Variants in JARID2 observed in about 807,000 individuals in gnomAD.
JARID2 encodes jumonji and AT-rich interaction domain containing 2.
In JARID2, 21 loss-of-function variants were observed where a neutral mutation model predicts 125.6. The ratio of observed to expected loss-of-function variants is 0.17; its 90% CI spans 0.12 to 0.24. The LOEUF (loss-of-function observed/expected upper bound fraction) is 0.24. JARID2 is among the 10% of genes least tolerant of loss of function. The probability of loss-of-function intolerance (pLI) is 1.00; values close to 1 mark genes in which losing one functional copy is unlikely to be tolerated. For missense variants in JARID2, 1,303 were observed against 1,639.6 expected (o/e 0.79, Z 3.55); for synonymous variants, 736 against 661.6 (o/e 1.11, Z -1.73).
chr6:15,384,725 C>A (rs1764718039), intron 2 of JARID2, among the ~76,000 whole-genome samples: 1 of 152,140 alleles, frequency 6.6e-6, no homozygotes, highest in South Asian at 2.1e-4. Flanking sequence ...ACTCAAGTTG[C>A]TGGGACTTCA....
rs1339458581 is a variant in JARID2 at position 15,520,164 on chromosome 6, A to T, written c.3654A>T (p.Arg1218Ser). The T allele has an allele frequency of 6.2e-7, 1 of 1,613,932 alleles. No individual in the cohort carries two copies. Among genetic ancestry groups the T allele is most frequent in the Non-Finnish European group, 8.5e-7 (1 of 1,179,980 alleles). Residue 1218 changes from arginine to serine, a missense_variant, in exon 18 of 18, where the codon AGA becomes AGT. Arg to Ser is a moderately radical substitution (Grantham distance 110). Coordinates refer to ENST00000341776, the MANE Select transcript of JARID2 (RefSeq NM_004973.4). ...GTCTCAGTAAACCCACACCAAAAAGAGGTCCCCGCAAGAGAGCGACAGTGG... is the reference window on the plus strand; with the variant it reads ...GTCTCAGTAAACCCACACCAAAAAGTGGTCCCCGCAAGAGAGCGACAGTGG... ...ENCLSKPTPK[R>S]GPRKRATVDV...
intron 1 of JARID2, among the ~76,000 whole-genome samples, chr6:15,263,519 T>A (rs971613045): frequency 2.6e-4 from 39 of 152,104 alleles, no homozygotes; most frequent in African/African-American, 9.2e-4. Flanking sequence ...TTGATTTCTC[T>A]GAATTTACTA....
chr6:15,292,592 G>T (rs1761269088), intron 1 of JARID2, among the ~76,000 whole-genome samples: 1 of 152,126 alleles, frequency 6.6e-6, no homozygotes, highest in African/African-American at 2.4e-5. Flanking sequence ...GCACCCCAGG[G>T]CCCACTGTAA....
chr6:15,411,103 C>T (rs1184408077), intron 3 of JARID2, among the ~76,000 whole-genome samples: 1 of 151,952 alleles, frequency 6.6e-6, no homozygotes, highest in African/African-American at 2.4e-5. Context: ...TTATATTTCC[C>T]TTTGTTCTCT....
intron 1 of JARID2, among the ~76,000 whole-genome samples, chr6:15,349,694 A>G (rs1443634969): frequency 3.3e-5 from 5 of 152,156 alleles, no homozygotes; most frequent in Admixed American, 6.5e-5. Context: ...CGAGCTTCCC[A>G]GTTCCTCTCC....
intron 1 of JARID2, among the ~76,000 whole-genome samples, chr6:15,266,176 A>G (rs1760076388): frequency 6.6e-6 from 1 of 152,162 alleles, no homozygotes; most frequent in African/African-American, 2.4e-5. Flanking sequence ...CAGGAAGACA[A>G]GTGTGTCCGA....
chr6:15,422,961 C>G (rs1330709634), intron 3 of JARID2, among the ~76,000 whole-genome samples: 1 of 149,180 alleles, frequency 6.7e-6, no homozygotes, highest in Non-Finnish European at 1.5e-5. Flanking sequence ...ACTATGCTAT[C>G]AAGGCTTACA....
rs1469985560 is a variant in JARID2 at position 15,468,523 on chromosome 6, G to A, written c.494-19G>A. On this transcript the variant is annotated intron_variant, in intron 4 of 17. Transcript: ENST00000341776. ...GGGTCAAGGCCTGTGTTTATGAGCT[G>A]TTTTTCTTATTCCACCAGGTTCTCC... is the stretch of plus-strand genomic sequence containing the variant. 6.2e-7 allele frequency: 1 copy of A among 1,605,534 alleles called. No individual in the cohort carries two copies. The highest frequency in any genetic ancestry group is 1.1e-5 in the South Asian group (1 of 90,240).
At chr6:15,438,689 A>G (rs914269863) in intron 3 of JARID2, among the ~76,000 whole-genome samples, 4 of 152,150 alleles carry the variant, frequency 2.6e-5, no homozygotes, top group Non-Finnish European at 5.9e-5. Flanking sequence ...GAAAAGAGCT[A>G]GGAAGCAGTT....
At chr6:15,247,000 G>C (rs545905325) in intron 1 of JARID2, among the ~76,000 whole-genome samples, 2 of 152,310 alleles carry the variant, frequency 1.3e-5, no homozygotes, top group South Asian at 2.1e-4. Context: ...ACGCATGTGT[G>C]TTGGAAGCCC....
At chr6:15,268,525 G>A (rs888504198) in intron 1 of JARID2, among the ~76,000 whole-genome samples, 1 of 152,172 alleles carries the variant, frequency 6.6e-6, no homozygotes, top group African/African-American at 2.4e-5. Flanking sequence ...ACTTATATCC[G>A]AAAGCCTGGA....
intron 1 of JARID2, among the ~76,000 whole-genome samples, chr6:15,265,015 C>G (rs1292154195): frequency 2.0e-5 from 3 of 152,096 alleles, no homozygotes; most frequent in Non-Finnish European, 2.9e-5. Context: ...GGGGCCTTTA[C>G]AAATGCAAAA....
At chr6:15,344,928 TGAA>T (rs932781006) in intron 1 of JARID2, among the ~76,000 whole-genome samples, 7 of 152,194 alleles carry the variant, frequency 4.6e-5, no homozygotes, top group Non-Finnish European at 8.8e-5. Flanking sequence ...TGTGGATAGT[TGAA>T]GATTTTAATT....
At chr6:15,321,367 GT>G (rs1762347377) in intron 1 of JARID2, among the ~76,000 whole-genome samples, 3 of 152,156 alleles carry the variant, frequency 2.0e-5, no homozygotes, top group Admixed American at 1.3e-4. Context: ...CTCACATGTA[GT>G]ATTAATTACG....
In JARID2 at chr6:15,500,796, G is replaced by A. The variant is rs118097548; in HGVS notation, c.1946-111G>A. 1.2e-5 allele frequency: 11 copies of A among 927,966 alleles called. No individual in the cohort carries two copies. The East Asian group carries it at 1.2e-4, about 10-fold the overall frequency. 57.5% of individuals were successfully genotyped at this position (927,966 alleles called of 1,614,324 possible). A position where few individuals can be genotyped will look rare whatever the true frequency, so the allele number is the denominator to read the frequency against. Reference sequence around the variant, plus strand: ...GTTCACCACTCTCACCCCAGAGCCTGTCAGAGTCCTGGCTCATAGTAGGAG... The same window carrying A: ...GTTCACCACTCTCACCCCAGAGCCTATCAGAGTCCTGGCTCATAGTAGGAG... On this transcript the variant is annotated intron_variant, in intron 7 of 17. Transcript: ENST00000341776.
At chr6:15,456,041 G>A (rs576070123) in intron 4 of JARID2, among the ~76,000 whole-genome samples, 12 of 152,292 alleles carry the variant, frequency 7.9e-5, no homozygotes, top group African/African-American at 1.2e-4. Context: ...TTACTATGGC[G>A]CAATTGTGAC....
chr6:15,486,066 A>G (rs1312446651), intron 5 of JARID2, among the ~76,000 whole-genome samples: 1 of 152,204 alleles, frequency 6.6e-6, no homozygotes, highest in Non-Finnish European at 1.5e-5. Context: ...ATGAGTGGAC[A>G]CAGTAACCTT....
At chr6:15,299,191 C>T (rs1036260527) in intron 1 of JARID2, among the ~76,000 whole-genome samples, 4 of 152,180 alleles carry the variant, frequency 2.6e-5, no homozygotes, top group Admixed American at 1.3e-4. Context: ...ACATAGGGTT[C>T]TCTGGAGCCT....
chr6:15,324,775 C>T (rs1362123344), intron 1 of JARID2, among the ~76,000 whole-genome samples: 1 of 151,458 alleles, frequency 6.6e-6, no homozygotes, highest in African/African-American at 2.4e-5. Flanking sequence ...AAGTGTGAGC[C>T]ACCGCTCCCG....
Sources: allele counts gnomAD v4.1 joint callset (sites outside exome capture counted in the v4.1 genomes callset), GRCh38; gene constraint gnomAD v4.1.1; transcripts MANE v1.5; gene names NCBI Gene and HGNC (gene_info 2026-07-23, HGNC 2026-07-21).